Variants in GC observed in about 807,000 individuals in gnomAD.
The protein encoded by GC is GC vitamin D binding protein, also known as vitamin D-binding protein.
In GC, 43 loss-of-function variants were observed where a neutral mutation model predicts 56.7. The ratio of observed to expected loss-of-function variants is 0.76; its 90% confidence interval spans 0.59 to 0.98. The LOEUF is 0.98. GC is among the 50% of genes least tolerant of loss of function. The probability of loss-of-function intolerance (pLI) is 0.00; values close to 1 mark genes in which losing one functional copy is unlikely to be tolerated. For synonymous variants in GC, 216 were observed against 202.7 expected (o/e 1.07, Z -0.56); for missense variants, 529 against 545.9 (o/e 0.97, Z 0.31).
chr4:71,771,259 A>G (rs1486824141), intron 1 of GC, among the ~76,000 whole-genome samples: 1 of 152,030 alleles, frequency 6.6e-6, no homozygotes, highest in East Asian at 1.9e-4. Context: ...GTGTAAACAT[A>G]TGCCTGGGTG....
At chr4:71,797,791 C>T (rs549327576) in intron 1 of GC, among the ~76,000 whole-genome samples, 148 of 152,326 alleles carry the variant, frequency 9.7e-4, no homozygotes, top group African/African-American at 3.3e-3. Flanking sequence ...TGTTCCCATT[C>T]GGCCATCTTG....
At chr4:71,792,626 T>C (rs1742999513) in intron 1 of GC, among the ~76,000 whole-genome samples, 1 of 152,180 alleles carries the variant, frequency 6.6e-6, no homozygotes, top group African/African-American at 2.4e-5. Flanking sequence ...TTCATTCTGA[T>C]GGTAGTTTCT....
intron 1 of GC, among the ~76,000 whole-genome samples, chr4:71,798,321 A>T (rs1481770282): frequency 1.3e-5 from 2 of 152,066 alleles, no homozygotes; most frequent in African/African-American, 4.8e-5. Flanking sequence ...AGCATCTCAG[A>T]GTTGGTTTCT....
chr4:71,748,419 T>G (rs2149293297), intron 11 of GC, among the ~76,000 whole-genome samples: 1 of 152,134 alleles, frequency 6.6e-6, no homozygotes, highest in South Asian at 2.1e-4. Flanking sequence ...GTCTCTGTGT[T>G]TTTAAGATTT....
At chr4:71,765,145 CT>C (rs1398831857) in intron 4 of GC, among the ~76,000 whole-genome samples, 1 of 152,118 alleles carries the variant, frequency 6.6e-6, no homozygotes, top group African/African-American at 2.4e-5. Context: ...ACCACAGGGG[CT>C]GTCAAATATT....
intron 12 of GC, among the ~76,000 whole-genome samples, chr4:71,745,120 T>G (rs1741322341): frequency 1.3e-5 from 2 of 152,188 alleles, no homozygotes; most frequent in African/African-American, 2.4e-5. Flanking sequence ...ATACATCACC[T>G]CAATCATTGT....
intron 12 of GC, among the ~76,000 whole-genome samples, chr4:71,744,390 C>T (rs1160278541): frequency 2.6e-4 from 34 of 129,368 alleles, no homozygotes; most frequent in Non-Finnish European, 4.6e-4. Context: ...ACCCAGGAGG[C>T]GGTGCTTGCA....
intron 11 of GC, among the ~76,000 whole-genome samples, chr4:71,746,648 A>G (rs373873738): frequency 6.6e-6 from 1 of 151,860 alleles, no homozygotes; most frequent in East Asian, 1.9e-4. Flanking sequence ...TTGAGGTAAA[A>G]GCAAGTTTAA....
chr4:71,765,372 G>C (rs1237563894), intron 4 of GC, 60 bp downstream of exon 4: 1 of 1,326,872 alleles, frequency 7.5e-7, no homozygotes, highest in Non-Finnish European at 1.1e-6. Flanking sequence ...TAGGGGGTTA[G>C]ATTAGAGTCA....
chr4:71,763,969 T>C (rs1430756307), intron 4 of GC, 33 bp from the exon 5 acceptor site: 3 of 1,570,402 alleles, frequency 1.9e-6, no homozygotes, highest in South Asian at 2.2e-5. Context: ...GGTCAAAAAA[T>C]TTGTGAATAA....
chr4:71,763,225 T>C (rs1200934989), intron 6 of GC, among the ~76,000 whole-genome samples, 183 bp downstream of exon 6: 3 of 152,224 alleles, frequency 2.0e-5, no homozygotes, highest in Non-Finnish European at 4.4e-5. Context: ...ACTTTTTCCT[T>C]ATTTTTCATA....
intron 1 of GC, among the ~76,000 whole-genome samples, chr4:71,798,280 T>C (rs1308071202): frequency 6.6e-6 from 1 of 152,256 alleles, no homozygotes; most frequent in Non-Finnish European, 1.5e-5. Context: ...AAAGCTGCTT[T>C]AAATCTTTGT....
At chr4:71,805,269 A>C (rs1743337976), upstream of GC, among the ~76,000 whole-genome samples, 3 of 152,192 alleles carry the variant, frequency 2.0e-5, no homozygotes, top group Admixed American at 1.3e-4. Flanking sequence ...ATGAAACCCT[A>C]GCTTGAAAAT....
At chr4:71,797,494 G>A (rs1743134945) in intron 1 of GC, among the ~76,000 whole-genome samples, 1 of 152,276 alleles carries the variant, frequency 6.6e-6, no homozygotes, top group Admixed American at 6.5e-5. Flanking sequence ...GACCTGCCGA[G>A]CCAGGCAGGG....
chr4:71,760,400 G>T (rs2149298572), intron 6 of GC, among the ~76,000 whole-genome samples: 1 of 152,092 alleles, frequency 6.6e-6, no homozygotes, highest in African/African-American at 2.4e-5. Context: ...TGCATTGCTG[G>T]CAAGAAGTTC....
chr4:71,763,933 A>C lies in GC; in HGVS notation c.477T>G (p.Phe159Leu). Residue 159 changes from phenylalanine to leucine, a missense_variant, in exon 5 of 13, where the codon TTT becomes TTG. Coordinates refer to ENST00000273951, the MANE Select transcript of GC (RefSeq NM_000583.4). ...CGTAATTAGTGGAATATTCCCACATAAATCTGTGGAGGAAAAAATAGAATT... is the reference window on the plus strand; with the variant it reads ...CGTAATTAGTGGAATATTCCCACATCAATCTGTGGAGGAAAAAATAGAATT... The part of the protein sequence containing the change: ...RKDPKEYANQ[F>L]MWEYSTNYGQ... 6.2e-7 allele frequency: 1 copy of C among 1,604,882 alleles called. No homozygotes were observed. Among genetic ancestry groups the C allele is most frequent in the Non-Finnish European group, 8.5e-7 (1 of 1,175,764 alleles).
At chr4:71,791,359 G>A (rs2149308890) in intron 1 of GC, among the ~76,000 whole-genome samples, 1 of 152,118 alleles carries the variant, frequency 6.6e-6, no homozygotes. Flanking sequence ...TGTCCTGTGG[G>A]TAGTATTTTT....
At chr4:71,799,896 C>T (rs1743208495) in intron 1 of GC, among the ~76,000 whole-genome samples, 1 of 152,078 alleles carries the variant, frequency 6.6e-6, no homozygotes, top group South Asian at 2.1e-4. Flanking sequence ...TGTGAGGAGC[C>T]CTCCTGGGGT....
intron 11 of GC, among the ~76,000 whole-genome samples, chr4:71,748,899 G>A (rs1741461118): frequency 6.6e-6 from 1 of 152,030 alleles, no homozygotes; most frequent in African/African-American, 2.4e-5. Context: ...AGGAGTAGAT[G>A]GATATTACTT....
Sources: allele counts gnomAD v4.1 joint callset (sites outside exome capture counted in the v4.1 genomes callset), GRCh38; gene constraint gnomAD v4.1.1; transcripts MANE v1.5; gene names NCBI Gene and HGNC (gene_info 2026-07-23, HGNC 2026-07-21).